Variants in INPP5A observed in about 807,000 individuals in gnomAD.
INPP5A encodes 43 kDa inositol polyphosphate 5-phophatase.
In INPP5A, 14 loss-of-function variants were observed where a neutral mutation model predicts 65.2. The ratio of observed to expected loss-of-function variants is 0.21; its 90% CI spans 0.14 to 0.34. The LOEUF is 0.34. Ranked by LOEUF, INPP5A falls within the 10% of genes least tolerant of loss-of-function variation. The pLI is 1.00. For missense variants in INPP5A, 431 were observed against 545.6 expected (o/e 0.79, Z 2.09); for synonymous variants, 207 against 208.3 (o/e 0.99, Z 0.05).
At chr10:132,647,583 G>C (rs2072514726) in intron 3 of INPP5A, among the ~76,000 whole-genome samples, 1 of 152,252 alleles carries the variant, frequency 6.6e-6, no homozygotes. Context: ...TCATTCCGAA[G>C]AAGCAGTGGG....
intron 9 of INPP5A, 59 bp downstream of exon 9, chr10:132,726,964 A>G: frequency 1.6e-6 from 2 of 1,272,950 alleles, no homozygotes. Context: ...TGAGGAAAAC[A>G]GTGGAAGGAG....
chr10:132,759,430 C>G (rs926927366), intron 11 of INPP5A, among the ~76,000 whole-genome samples: 8 of 152,240 alleles, frequency 5.3e-5, no homozygotes, highest in Non-Finnish European at 8.8e-5. Flanking sequence ...AAAGGGTGCA[C>G]AGGCCTGGAA....
rs200245311 is a variant in INPP5A at position 132,703,706 on chromosome 10, AC to A, written c.475-4599del. 8.3e-4 allele frequency among the ~76,000 whole-genome samples: 30 copies of A among 36,084 alleles called. 1 individual carries two copies. The highest frequency in any genetic ancestry group is 0.029 in the Middle Eastern group (1 of 34). The allele number at this position is 36,084 out of a possible 152,430, so 23.7% of individuals were successfully genotyped here. A position where few individuals can be genotyped will look rare whatever the true frequency, so the allele number is the denominator to read the frequency against. The stretch of plus-strand genomic sequence containing the variant: ...CACCCCCGCAGACACATGCGGCTTC[AC>A]CCCCCCCACACACTCACGGCTTCAC... On this transcript the variant is annotated intron_variant, in intron 6 of 15. Transcript: ENST00000368594.
chr10:132,699,868 G>A (rs116207362), intron 6 of INPP5A, among the ~76,000 whole-genome samples: 2,736 of 152,290 alleles, frequency 0.018, 81 homozygotes, highest in African/African-American at 0.061. Context: ...CAAGCGGGGA[G>A]CTGAGGCCCG....
intron 4 of INPP5A, among the ~76,000 whole-genome samples, chr10:132,670,901 C>T (rs547135191): frequency 8.4e-5 from 12 of 142,678 alleles, no homozygotes; most frequent in African/African-American, 2.1e-4. Flanking sequence ...GTCAGGACAG[C>T]GGTGCCAAAG....
At chr10:132,758,741 G>A (rs1385338694) in intron 11 of INPP5A, among the ~76,000 whole-genome samples, 1 of 152,234 alleles carries the variant, frequency 6.6e-6, no homozygotes. Flanking sequence ...GACCCCCAGA[G>A]CTGCTGAAAA....
At position 132,603,128 on chromosome 10, in the gene INPP5A, C is replaced by G. The variant is rs942201426; in HGVS notation, c.76-4787C>G. 6.6e-6 allele frequency among the ~76,000 whole-genome samples: 1 copy of G among 152,194 alleles called. No individual in the cohort carries two copies. The highest frequency in any genetic ancestry group is 1.9e-4 in the East Asian group (1 of 5,206). On this transcript the variant is annotated intron_variant, in intron 1 of 15. Transcript: ENST00000368594. This position sits in a 1 kb window ranked among gnomAD's most constrained non-coding sequence, Gnocchi z 4.2. ...TCAACAGTGTGAAATGCCTCAATCTCTCCTGCTGACGTCTCTGCCTTCCGA... is the reference window on the plus strand; with the variant it reads ...TCAACAGTGTGAAATGCCTCAATCTGTCCTGCTGACGTCTCTGCCTTCCGA...
rs547918335 is a variant in INPP5A at position 132,698,178 on chromosome 10, C to T, written c.474+259C>T. 1.2e-3 allele frequency among the ~76,000 whole-genome samples: 176 copies of T among 152,308 alleles called. 2 individuals are homozygous for T. Among genetic ancestry groups the T allele is most frequent in the African/African-American group, 3.9e-3 (161 of 41,568 alleles). The stretch of plus-strand genomic sequence containing the variant: ...CCTCATATCCAGGAGAAAGAACCTT[C>T]GCCAAAAGATGTAGGAAAATCATTC... On this transcript the variant is annotated intron_variant, in intron 6 of 15. Transcript: ENST00000368594. This position sits in a 1 kb window ranked among gnomAD's most constrained non-coding sequence, Gnocchi z 5.5.
intron 2 of INPP5A, among the ~76,000 whole-genome samples, chr10:132,628,183 A>T (rs927080838): frequency 4.6e-5 from 7 of 152,196 alleles, no homozygotes; most frequent in Admixed American, 3.9e-4. Context: ...GACGCAGCTC[A>T]GGCCCATTCC....
chr10:132,589,897 C>A (rs953101861), intron 1 of INPP5A, among the ~76,000 whole-genome samples: 1 of 152,234 alleles, frequency 6.6e-6, no homozygotes, highest in African/African-American at 2.4e-5. Flanking sequence ...CCACCCAGGG[C>A]CACGCCTGGC....
intron 2 of INPP5A, 65 bp from the exon 3 acceptor site, chr10:132,645,803 G>A (rs995104353): frequency 3.1e-6 from 4 of 1,270,368 alleles, no homozygotes; most frequent in Non-Finnish European, 4.5e-6. Flanking sequence ...GGTGGAGGGG[G>A]TGGTGCCACG....
intron 2 of INPP5A, among the ~76,000 whole-genome samples, chr10:132,625,313 A>AT (rs1183825119): frequency 6.6e-6 from 1 of 151,688 alleles, no homozygotes; most frequent in Non-Finnish European, 1.5e-5. Flanking sequence ...TCTCAGCAGG[A>AT]TCTTTTTCTG....
Position 132,698,982 on chromosome 10 carries a change from A to T in INPP5A, c.474+1063A>T, listed in dbSNP as rs924383416. Among the ~76,000 whole-genome samples, 1 of 152,150 alleles carries T rather than the reference A, an allele frequency of 6.6e-6. No individual in the cohort carries two copies. Among genetic ancestry groups the T allele is most frequent in the African/African-American group, 2.4e-5 (1 of 41,442 alleles). ...GCTCGGCCTCCTCATCCGTCTTCCC[A>T]AGGCCAAGGACGCCGTGTCAGTGGG... On this transcript the variant is annotated intron_variant, in intron 6 of 15. Transcript: ENST00000368594. The surrounding 1 kb of genome is among the most constrained non-coding windows in gnomAD (Gnocchi z 5.5).
intron 2 of INPP5A, among the ~76,000 whole-genome samples, chr10:132,632,785 T>C (rs188055586): frequency 1.3e-5 from 2 of 152,378 alleles, no homozygotes; most frequent in Admixed American, 1.3e-4. Flanking sequence ...ATTGTACTGT[T>C]ACGTATGATC....
chr10:132,700,458 C>T (rs1293052734), intron 6 of INPP5A, among the ~76,000 whole-genome samples: 1 of 152,264 alleles, frequency 6.6e-6, no homozygotes, highest in Non-Finnish European at 1.5e-5. Context: ...CTGACGTTTC[C>T]TCTTCCCTGG....
chr10:132,681,473 C>T (rs537655953), intron 4 of INPP5A, among the ~76,000 whole-genome samples: 3 of 152,048 alleles, frequency 2.0e-5, no homozygotes, highest in Non-Finnish European at 4.4e-5. Context: ...CACATCTGAA[C>T]ATCAGAAGGA....
chr10:132,565,579 G>T (rs1465406744), intron 1 of INPP5A, among the ~76,000 whole-genome samples: 1 of 152,196 alleles, frequency 6.6e-6, no homozygotes, highest in Non-Finnish European at 1.5e-5. Context: ...ATGTCTGTAT[G>T]CATGTGCATT....
In INPP5A at chr10:132,728,666, C is replaced by T. The variant is rs185839861; in HGVS notation, c.732+1761C>T. ...CAGGATGAAAGTCAAGAAGAACCCG[C>T]GAAAGACCAAAGCCGATCAATCCCG... On this transcript the variant is annotated intron_variant, in intron 9 of 15. Transcript: ENST00000368594. Among the ~76,000 whole-genome samples, 295 of 152,330 alleles carry T rather than the reference C, an allele frequency of 1.9e-3. 1 individual carries two copies. The highest frequency in any genetic ancestry group is 5.8e-3 in the African/African-American group (243 of 41,556).
At chr10:132,755,182 TGA>T (rs1162863017) in intron 11 of INPP5A, among the ~76,000 whole-genome samples, 13 of 151,944 alleles carry the variant, frequency 8.6e-5, no homozygotes, top group South Asian at 4.2e-4. Flanking sequence ...TGAGCATGTG[TGA>T]GAGCAGGCAT....
Sources: allele counts gnomAD v4.1 joint callset (sites outside exome capture counted in the v4.1 genomes callset), GRCh38; gene constraint gnomAD v4.1.1; non-coding constraint Gnocchi (gnomAD v3.1); transcripts MANE v1.5; gene names NCBI Gene and HGNC (gene_info 2026-07-23, HGNC 2026-07-21).